The following TRPC4 variants were observed in gnomAD, a reference collection of about 807,000 sequenced individuals.
The protein encoded by TRPC4 is transient receptor potential cation channel subfamily C member 4.
In TRPC4, 49 loss-of-function variants were observed where a neutral mutation model predicts 99.4. The observed-to-expected ratio is 0.49, with a 90% confidence interval of 0.39 to 0.63. The LOEUF is 0.63. Among genes scored for constraint, TRPC4 ranks in the 20% least tolerant of loss-of-function variants. TRPC4 has a pLI of 0.00. For synonymous variants in TRPC4, 454 were observed against 425.9 expected (o/e 1.07, Z -0.81); for missense variants, 898 against 1,152.9 (o/e 0.78, Z 3.20).
chr13:37,799,396 T>C (rs562658184), intron 1 of TRPC4, among the ~76,000 whole-genome samples: 1 of 152,330 alleles, frequency 6.6e-6, no homozygotes, highest in East Asian at 1.9e-4. Flanking sequence ...CTACTGCCTC[T>C]TCTTTTGTCA....
intron 1 of TRPC4, among the ~76,000 whole-genome samples, chr13:37,809,467 GTT>G (rs11316952): frequency 0.27 from 39,478 of 146,714 alleles, 5,351 homozygotes; most frequent in Admixed American, 0.35. Context: ...CGGGTTTTGT[GTT>G]TTTTTTTTTT....
chr13:37,806,557 A>C (rs1957534110), intron 1 of TRPC4, among the ~76,000 whole-genome samples: 1 of 152,024 alleles, frequency 6.6e-6, no homozygotes, highest in South Asian at 2.1e-4. Flanking sequence ...GCAACCATAT[A>C]TGCTGGGCAT....
chr13:37,691,921 T>G, intron 4 of TRPC4, 78 bp downstream of exon 4: 1 of 1,363,452 alleles, frequency 7.3e-7, no homozygotes, highest in Non-Finnish European at 1.0e-6. Context: ...GTCCCAAACA[T>G]TAATGAATAT....
At chr13:37,681,005 A>G (rs984626160) in intron 4 of TRPC4, among the ~76,000 whole-genome samples, 7 of 152,234 alleles carry the variant, frequency 4.6e-5, no homozygotes, top group African/African-American at 1.4e-4. Flanking sequence ...GATTATTAAC[A>G]GTCATCGAAA....
At chr13:37,842,372 G>GAAAAAAAAAAA (rs1566216069) in intron 1 of TRPC4, among the ~76,000 whole-genome samples, 3 of 72,082 alleles carry the variant, frequency 4.2e-5, no homozygotes, top group Non-Finnish European at 5.7e-5. Context: ...AAAAAAAAAG[G>GAAAAAAAAAAA]AAAAGGAAAA....
chr13:37,686,972 C>CT (rs946032569), intron 4 of TRPC4, among the ~76,000 whole-genome samples: 67 of 148,468 alleles, frequency 4.5e-4, no homozygotes, highest in East Asian at 9.8e-4. Flanking sequence ...CTTTTCTTTT[C>CT]TTTTTTTTTT....
intron 8 of TRPC4, among the ~76,000 whole-genome samples, chr13:37,645,005 T>G (rs1951828933): frequency 6.6e-6 from 1 of 152,018 alleles, no homozygotes; most frequent in African/African-American, 2.4e-5. Flanking sequence ...CAAGGGCTTT[T>G]CTTCCTTAAC....
intron 1 of TRPC4, among the ~76,000 whole-genome samples, chr13:37,793,356 T>C (rs1278810091): frequency 6.6e-6 from 1 of 152,058 alleles, no homozygotes; most frequent in Non-Finnish European, 1.5e-5. Flanking sequence ...TACATATATA[T>C]ACATGTGCCA....
Position 37,799,683 on chromosome 13 carries a change from T to C in TRPC4, c.-27-16323A>G, listed in dbSNP as rs76066459. Among the ~76,000 whole-genome samples, 1,233 of 147,986 alleles carry C rather than the reference T, an allele frequency of 8.3e-3. 23 individuals are homozygous for C. In the East Asian group the frequency reaches 0.1, roughly 12 times the overall value. On this transcript the variant is annotated intron_variant, in intron 1 of 10. Coordinates refer to ENST00000379705, the MANE Select transcript of TRPC4 (RefSeq NM_016179.4). ...ACTATTTTATTTTAAAAGCCCTGAC[T>C]TTTGACTCCTGTAATTTTGGAAGTT...
At chr13:37,656,624 C>T (rs1952247008) in intron 6 of TRPC4, among the ~76,000 whole-genome samples, 2 of 152,142 alleles carry the variant, frequency 1.3e-5, no homozygotes, top group African/African-American at 4.8e-5. Flanking sequence ...GATCAGAATT[C>T]CCCTCTAGAG....
At position 37,744,650 on chromosome 13, in the gene TRPC4, T is replaced by C. The variant is rs142096504; in HGVS notation, c.897+1287A>G. Among the ~76,000 whole-genome samples, 1,342 of 152,308 alleles carry C rather than the reference T, an allele frequency of 8.8e-3. 22 individuals carry two copies. Among genetic ancestry groups the C allele is most frequent in the African/African-American group, 0.03 (1,242 of 41,572 alleles). ...CAACAGACAAAGCAGCCAGGGCTTATATGGGATCATTAAGGCCAAATTCAA... is the reference window on the plus strand; with the variant it reads ...CAACAGACAAAGCAGCCAGGGCTTACATGGGATCATTAAGGCCAAATTCAA... On this transcript the variant is annotated intron_variant, in intron 3 of 10. Coordinates refer to ENST00000379705, the MANE Select transcript of TRPC4 (RefSeq NM_016179.4).
At chr13:37,829,423 C>T (rs1958345531) in intron 1 of TRPC4, among the ~76,000 whole-genome samples, 1 of 152,112 alleles carries the variant, frequency 6.6e-6, no homozygotes, top group African/African-American at 2.4e-5. Context: ...CCACTTTGCA[C>T]CCACTGGGAT....
rs577894584 is a variant in TRPC4 at position 37,722,971 on chromosome 13, T to C, written c.897+22966A>G. Reference sequence around the variant, plus strand: ...TATAGGTGTACACAGAAGGGATAGCTCATACAGCGGGTGGGGAGGAAGTGT... The same window carrying C: ...TATAGGTGTACACAGAAGGGATAGCCCATACAGCGGGTGGGGAGGAAGTGT... On this transcript the variant is annotated intron_variant, in intron 3 of 10. Coordinates refer to ENST00000379705, the MANE Select transcript of TRPC4 (RefSeq NM_016179.4). Among the ~76,000 whole-genome samples the C allele has an allele frequency of 3.3e-5, 5 of 152,250 alleles. No homozygotes were observed. The South Asian group carries it at 1.0e-3, about 32-fold the overall frequency.
intron 1 of TRPC4, among the ~76,000 whole-genome samples, chr13:37,839,534 A>G (rs1958673585): frequency 6.6e-6 from 1 of 152,242 alleles, no homozygotes; most frequent in Non-Finnish European, 1.5e-5. Context: ...TTCGGTTTCA[A>G]TAATAAATCA....
At position 37,835,982 on chromosome 13, in the gene TRPC4, G is replaced by A. The variant is rs565210535; in HGVS notation, c.-28+33613C>T. ...CTGCATATTGTGGGAGGGTCCCAGT[G>A]GGAGGTAATTGAATCATGGGGGCAA... On this transcript the variant is annotated intron_variant, in intron 1 of 10. Transcript: ENST00000379705. 4.6e-5 allele frequency among the ~76,000 whole-genome samples: 7 copies of A among 151,986 alleles called. No homozygotes were observed. The South Asian group carries it at 1.0e-3, about 23-fold the overall frequency.
intron 10 of TRPC4, among the ~76,000 whole-genome samples, chr13:37,637,977 G>T (rs1951586213): frequency 6.6e-6 from 1 of 152,130 alleles, no homozygotes; most frequent in Non-Finnish European, 1.5e-5. Context: ...TCTCTGGGGT[G>T]TATTTTATAA....
At chr13:37,686,174 T>G (rs944240222) in intron 4 of TRPC4, among the ~76,000 whole-genome samples, 7 of 152,044 alleles carry the variant, frequency 4.6e-5, no homozygotes, top group African/African-American at 1.7e-4. Flanking sequence ...GGATGGGAAA[T>G]TCAGCGGTGA....
At chr13:37,644,240 G>T (rs1026825838) in intron 8 of TRPC4, among the ~76,000 whole-genome samples, 1 of 152,030 alleles carries the variant, frequency 6.6e-6, no homozygotes, top group Non-Finnish European at 1.5e-5. Flanking sequence ...AAAGGGATTT[G>T]TTACCTTAAG....
chr13:37,745,546 A>G (rs4415895), intron 3 of TRPC4, among the ~76,000 whole-genome samples: 72 of 142,346 alleles, frequency 5.1e-4, no homozygotes, highest in African/African-American at 1.4e-3. Flanking sequence ...ACGTATATAT[A>G]TATATATATA....
Sources: allele counts gnomAD v4.1 joint callset (sites outside exome capture counted in the v4.1 genomes callset), GRCh38; gene constraint gnomAD v4.1.1; transcripts MANE v1.5; gene names NCBI Gene and HGNC (gene_info 2026-07-23, HGNC 2026-07-21).